Variants in AGBL1 observed in about 807,000 individuals in gnomAD.
AGBL1 encodes the protein AGBL carboxypeptidase 1.
Under a neutral mutation model 118.9 loss-of-function variants are expected in AGBL1, and 130 were observed. The ratio of observed to expected loss-of-function variants is 1.09; its 90% CI spans 0.95 to 1.26. The LOEUF (loss-of-function observed/expected upper bound fraction) is 1.26. Ranked by LOEUF, AGBL1 falls within the 50% of genes most tolerant of loss-of-function variation. The pLI is 0.00. For synonymous variants in AGBL1, 555 were observed against 478.9 expected (o/e 1.16, Z -2.08); for missense variants, 1,584 against 1,298.1 (o/e 1.22, Z -3.38).
At chr15:86,143,500 C>A (rs940110256) in intron 2 of AGBL1, among the ~76,000 whole-genome samples, 199 bp from the exon 3 acceptor site, 18 of 152,140 alleles carry the variant, frequency 1.2e-4, no homozygotes, top group African/African-American at 3.9e-4. Context: ...CTTAAATATT[C>A]CACTATTTTC....
At chr15:86,563,677 G>C (rs2083866834) in intron 21 of AGBL1, among the ~76,000 whole-genome samples, 1 of 152,150 alleles carries the variant, frequency 6.6e-6, no homozygotes, top group South Asian at 2.1e-4. Context: ...TTCAATTCCT[G>C]GATATCCTTT....
intron 23 of AGBL1, among the ~76,000 whole-genome samples, chr15:86,942,643 T>C (rs1873050094): frequency 6.6e-6 from 1 of 152,162 alleles, no homozygotes; most frequent in African/African-American, 2.4e-5. Context: ...TAAAACTCAA[T>C]CTGATCTTTG....
chr15:86,455,517 C>T (rs1176027762), intron 18 of AGBL1, among the ~76,000 whole-genome samples: 1 of 151,888 alleles, frequency 6.6e-6, no homozygotes, highest in African/African-American at 2.4e-5. Context: ...AATCATATGC[C>T]TGTATTGGCT....
intron 22 of AGBL1, among the ~76,000 whole-genome samples, chr15:86,768,396 G>C (rs534124406): frequency 1.1e-4 from 17 of 152,024 alleles, no homozygotes; most frequent in African/African-American, 3.9e-4. Context: ...GATCCACCCA[G>C]TCTTTGATTC....
chr15:86,400,917 C>T lies in AGBL1; in HGVS notation c.2555+3371C>T, dbSNP rs1444172501. 7.2e-5 allele frequency among the ~76,000 whole-genome samples: 11 copies of T among 152,116 alleles called. No individual in the cohort carries two copies. In the South Asian group the frequency reaches 8.3e-4, roughly 11 times the overall value. On this transcript the variant is annotated intron_variant, in intron 18 of 22. Transcript: ENST00000614907. ...ATCTCTGCAATTGCGAATTGTGCTG[C>T]TGTAAACATGTGTGTTCAAGTGACT...
intron 23 of AGBL1, among the ~76,000 whole-genome samples, chr15:86,968,964 A>T (rs753905533): frequency 6.6e-6 from 1 of 151,894 alleles, no homozygotes; most frequent in African/African-American, 2.4e-5. Context: ...CCTTGTCGCC[A>T]CACAAAGGCC....
intron 17 of AGBL1, among the ~76,000 whole-genome samples, chr15:86,302,778 CA>C (rs11345100): frequency 0.32 from 30,206 of 95,678 alleles, 3,539 homozygotes; most frequent in African/African-American, 0.49. Flanking sequence ...GACCCTGTCT[CA>C]AAAAAAAAAA....
chr15:86,556,155 T>C, intron 21 of AGBL1: 1 of 1,351,902 alleles, frequency 7.4e-7, no homozygotes. Flanking sequence ...AAACTCAAAG[T>C]TCTCTGGAGC....
intron 18 of AGBL1, among the ~76,000 whole-genome samples, chr15:86,512,362 C>A (rs932515416): frequency 6.6e-6 from 1 of 151,806 alleles, no homozygotes; most frequent in Non-Finnish European, 1.5e-5. Context: ...TTTGTCTATA[C>A]CTCTATATTT....
At chr15:86,760,355 T>G (rs2078006068) in intron 22 of AGBL1, among the ~76,000 whole-genome samples, 1 of 152,030 alleles carries the variant, frequency 6.6e-6, no homozygotes, top group African/African-American at 2.4e-5. Context: ...AATCATCACT[T>G]GTAGGAAATC....
intron 15 of AGBL1, among the ~76,000 whole-genome samples, chr15:86,275,767 G>A (rs1021165562): frequency 6.6e-6 from 1 of 152,140 alleles, no homozygotes; most frequent in Non-Finnish European, 1.5e-5. Context: ...ATGACCAATA[G>A]GATCCAGCTA....
chr15:86,311,184 A>G (rs543557525), intron 17 of AGBL1, among the ~76,000 whole-genome samples: 1 of 152,292 alleles, frequency 6.6e-6, no homozygotes, highest in Admixed American at 6.5e-5. Flanking sequence ...TTATTCTTTC[A>G]GACCAATTCA....
At chr15:86,857,720 G>A (rs1567210131) in intron 22 of AGBL1, among the ~76,000 whole-genome samples, 1 of 152,144 alleles carries the variant, frequency 6.6e-6, no homozygotes, top group Non-Finnish European at 1.5e-5. Context: ...TGAGATGCAG[G>A]AGGGCAAGGA....
At chr15:86,399,991 A>T (rs1238097453) in intron 18 of AGBL1, among the ~76,000 whole-genome samples, 1 of 152,216 alleles carries the variant, frequency 6.6e-6, no homozygotes, top group Non-Finnish European at 1.5e-5. Flanking sequence ...GGAAAAATCT[A>T]CAGGTCGTAG....
chr15:86,489,827 C>T (rs1235804085), intron 18 of AGBL1, among the ~76,000 whole-genome samples: 1 of 152,118 alleles, frequency 6.6e-6, no homozygotes, highest in Non-Finnish European at 1.5e-5. Context: ...GGGCACATCT[C>T]ACTTTTTAGG....
At chr15:86,590,172 G>A (rs971232026) in intron 21 of AGBL1, among the ~76,000 whole-genome samples, 2 of 152,144 alleles carry the variant, frequency 1.3e-5, no homozygotes, top group Admixed American at 1.3e-4. Flanking sequence ...AAAATAGGTT[G>A]TATTGGTAAA....
At chr15:86,638,082 ATCT>A (rs889438032) in intron 21 of AGBL1, among the ~76,000 whole-genome samples, 1 of 152,128 alleles carries the variant, frequency 6.6e-6, no homozygotes, top group African/African-American at 2.4e-5. Flanking sequence ...ACTACTTCTC[ATCT>A]TCTTTCAACT....
At chr15:86,436,643 A>T (rs1238482897) in intron 18 of AGBL1, among the ~76,000 whole-genome samples, 4 of 152,176 alleles carry the variant, frequency 2.6e-5, no homozygotes, top group African/African-American at 2.4e-5. Flanking sequence ...TAACAATTAC[A>T]CTAAGTTAAT....
intron 23 of AGBL1, among the ~76,000 whole-genome samples, chr15:86,950,922 T>C (rs927993360): frequency 1.2e-4 from 18 of 152,112 alleles, no homozygotes; most frequent in African/African-American, 3.9e-4. Flanking sequence ...AAAAACACTA[T>C]ATGAAACAAG....
Sources: gnomAD v4.1 joint callset for allele counts (sites outside exome capture counted in the v4.1 genomes callset) on GRCh38, gnomAD v4.1.1 for gene constraint, MANE v1.5 for transcripts, NCBI Gene and HGNC (gene_info 2026-07-23, HGNC 2026-07-21) for gene names.